Variants in DPH6 observed in about 807,000 individuals in gnomAD.
DPH6 encodes the protein diphthine--ammonia ligase.
Under a neutral mutation model 38.2 loss-of-function variants are expected in DPH6, and 33 were observed. The ratio of observed to expected loss-of-function variants is 0.86; its 90% CI spans 0.65 to 1.15. The LOEUF is 1.15. Ranked by LOEUF, DPH6 falls within the 50% of genes most tolerant of loss-of-function variation. The probability of loss-of-function intolerance (pLI) is 0.00; values close to 1 mark genes in which losing one functional copy is unlikely to be tolerated. For synonymous variants in DPH6, 108 were observed against 103.0 expected (o/e 1.05, Z -0.30); for missense variants, 325 against 320.0 (o/e 1.02, Z -0.12).
At chr15:35,545,851 T>C (rs760774546) in intron 1 of DPH6, among the ~76,000 whole-genome samples, 1 of 152,128 alleles carries the variant, frequency 6.6e-6, no homozygotes, top group Non-Finnish European at 1.5e-5. Flanking sequence ...GTACTTTTTT[T>C]AATTTCCCAC....
intron 3 of DPH6, chr15:35,282,896 T>C (rs2140437618): frequency 2.9e-6 from 1 of 345,258 alleles, no homozygotes; most frequent in Non-Finnish European, 5.9e-6. Context: ...TTCCACCATA[T>C]AGATGTTCCT....
At chr15:35,306,764 G>T (rs2052095440) in intron 3 of DPH6, among the ~76,000 whole-genome samples, 1 of 152,118 alleles carries the variant, frequency 6.6e-6, no homozygotes, top group East Asian at 1.9e-4. Context: ...ACCTCCCTCA[G>T]TAAAGTTCAG....
chr15:35,198,356 T>A, the DPH6 span, among the ~76,000 whole-genome samples: 1 of 152,178 alleles, frequency 6.6e-6, no homozygotes, highest in Non-Finnish European at 1.5e-5. Flanking sequence ...TATGGTTTGG[T>A]GCAAAATGAA....
chr15:35,408,914 AAGAG>A (rs1280663233), intron 6 of DPH6, among the ~76,000 whole-genome samples: 1 of 151,952 alleles, frequency 6.6e-6, no homozygotes, highest in African/African-American at 2.4e-5. Flanking sequence ...GCAAAGAAGA[AAGAG>A]AGGTAGTCAG....
chr15:35,468,612 C>G (rs2054157605), intron 3 of DPH6, among the ~76,000 whole-genome samples: 1 of 151,948 alleles, frequency 6.6e-6, no homozygotes, highest in African/African-American at 2.4e-5. Flanking sequence ...TAGTCATAAA[C>G]AAAGAGACTT....
chr15:35,263,930 G>A (rs1436820658), intron 3 of DPH6, among the ~76,000 whole-genome samples: 1 of 151,956 alleles, frequency 6.6e-6, no homozygotes, highest in Admixed American at 6.6e-5. Context: ...AGCCAGGATG[G>A]TCTCGATCTC....
At chr15:35,338,392 A>C (rs1200454817) in intron 3 of DPH6, among the ~76,000 whole-genome samples, 2 of 152,254 alleles carry the variant, frequency 1.3e-5, no homozygotes, top group Non-Finnish European at 2.9e-5. Flanking sequence ...GACACTTCTC[A>C]AAAGAAGACA....
chr15:35,321,403 C>T (rs534247142), intron 3 of DPH6, among the ~76,000 whole-genome samples: 1 of 152,228 alleles, frequency 6.6e-6, no homozygotes, highest in South Asian at 2.1e-4. Flanking sequence ...GGAGTAAATA[C>T]CAAATATTTT....
At chr15:35,490,658 T>C (rs1031355164) in intron 3 of DPH6, among the ~76,000 whole-genome samples, 5 of 152,134 alleles carry the variant, frequency 3.3e-5, no homozygotes, top group Admixed American at 2.6e-4. Context: ...TTGCAGAACA[T>C]TTCATCTAAA....
At chr15:35,342,537 T>C (rs2052430110) in intron 3 of DPH6, among the ~76,000 whole-genome samples, 1 of 152,192 alleles carries the variant, frequency 6.6e-6, no homozygotes, top group Admixed American at 6.5e-5. Context: ...ATATTTCAGT[T>C]GAAGGTGCTA....
At chr15:35,532,683 G>A (rs1290328771) in intron 3 of DPH6, among the ~76,000 whole-genome samples, 1 of 152,070 alleles carries the variant, frequency 6.6e-6, no homozygotes, top group Non-Finnish European at 1.5e-5. Context: ...GAAATATCAT[G>A]AGCAACTGAA....
At chr15:35,358,722 C>G (rs1330825157) in intron 3 of DPH6, among the ~76,000 whole-genome samples, 2 of 152,138 alleles carry the variant, frequency 1.3e-5, no homozygotes, top group Non-Finnish European at 2.9e-5. Flanking sequence ...TGCACTGAGT[C>G]CTGTGATGTG....
At chr15:35,162,155 A>G in the DPH6 span, among the ~76,000 whole-genome samples, 1 of 151,952 alleles carries the variant, frequency 6.6e-6, no homozygotes, top group Non-Finnish European at 1.5e-5. Context: ...AAACTACAGT[A>G]CAGTCTTCTA....
chr15:35,535,077 G>A (rs1482566638), intron 3 of DPH6, among the ~76,000 whole-genome samples: 1 of 152,130 alleles, frequency 6.6e-6, no homozygotes, highest in Non-Finnish European at 1.5e-5. Flanking sequence ...ATCAATCAGA[G>A]AAAGAGGACA....
chr15:35,437,562 G>C (rs892248141), intron 5 of DPH6, among the ~76,000 whole-genome samples: 7 of 152,206 alleles, frequency 4.6e-5, no homozygotes, highest in African/African-American at 1.7e-4. Flanking sequence ...GAATGGTAAG[G>C]ATCACTGTTT....
At chr15:35,278,773 G>A (rs1417809419) in intron 3 of DPH6, among the ~76,000 whole-genome samples, 1 of 152,184 alleles carries the variant, frequency 6.6e-6, no homozygotes, top group Non-Finnish European at 1.5e-5. Context: ...TTTTGGGCCA[G>A]GAGCAGTGGC....
chr15:35,379,849 C>T (rs549373386), intron 7 of DPH6, among the ~76,000 whole-genome samples: 2 of 152,086 alleles, frequency 1.3e-5, no homozygotes, highest in East Asian at 3.9e-4. Context: ...AATGTATGCT[C>T]TGATAAGTAT....
chr15:35,265,632 C>T (rs561605075), intron 3 of DPH6, among the ~76,000 whole-genome samples: 2 of 152,222 alleles, frequency 1.3e-5, no homozygotes, highest in African/African-American at 4.8e-5. Context: ...AAAAAAAATT[C>T]CGTAGCTTTT....
At chr15:35,179,568 G>C in the DPH6 span, among the ~76,000 whole-genome samples, 1 of 152,086 alleles carries the variant, frequency 6.6e-6, no homozygotes. Context: ...AAGACTAGAA[G>C]CCTTTAAATA....
Sources: gnomAD v4.1 joint callset for allele counts (sites outside exome capture counted in the v4.1 genomes callset) on GRCh38, gnomAD v4.1.1 for gene constraint, MANE v1.5 for transcripts, NCBI Gene and HGNC (gene_info 2026-07-23, HGNC 2026-07-21) for gene names.